The following ZSCAN5A variants were observed in gnomAD, a reference collection of about 807,000 sequenced individuals.
ZSCAN5A encodes the protein zinc finger and SCAN domain containing 5A.
ZSCAN5A carries 12 observed loss-of-function variants against 23.7 expected under a neutral mutation model. That is an observed-to-expected ratio of 0.51 (90% CI 0.32 to 0.82). The LOEUF (loss-of-function observed/expected upper bound fraction) is 0.82, where lower values mean the gene tolerates loss of function less well. ZSCAN5A is among the 40% of genes least tolerant of loss of function. The pLI, the probability that ZSCAN5A is intolerant of heterozygous loss-of-function variation, is 0.03. For missense variants in ZSCAN5A, 597 were observed against 617.9 expected (o/e 0.97, Z 0.36); for synonymous variants, 257 against 239.9 (o/e 1.07, Z -0.66).
chr19:56,322,639 A>G (rs1262966425), intron 2 of ZSCAN5A, among the ~76,000 whole-genome samples: 1 of 152,126 alleles, frequency 6.6e-6, no homozygotes, highest in Admixed American at 6.5e-5. Context: ...ATATCTATCT[A>G]TAGATACAGA....
intron 2 of ZSCAN5A, chr19:56,266,454 T>C (rs1352927679): frequency 6.7e-6 from 1 of 150,100 alleles, no homozygotes; most frequent in African/African-American, 2.5e-5. Flanking sequence ...AAGAAGTGAG[T>C]AGGCTTAGGC....
chr19:56,352,221 C>A lies in ZSCAN5A; in HGVS notation c.-358+11014G>T, dbSNP rs2041671934. ...GATTCACGCCATTCTCCTGCCTCAGCCTCCCAAGTAGCTGGGACTACAGGC... is the reference window on the plus strand; with the variant it reads ...GATTCACGCCATTCTCCTGCCTCAGACTCCCAAGTAGCTGGGACTACAGGC... On this transcript the variant is annotated intron_variant, in intron 2 of 6. Coordinates refer to the ZSCAN5A transcript ENST00000587340. The surrounding 1 kb of genome is among the most constrained non-coding windows in gnomAD (Gnocchi z 4.2). Among the ~76,000 whole-genome samples, 1 of 152,166 alleles carries A rather than the reference C, an allele frequency of 6.6e-6. No homozygotes were observed. The highest frequency in any genetic ancestry group is 1.5e-5 in the Non-Finnish European group (1 of 68,026).
chr19:56,294,290 A>C (rs2039715742), intron 2 of ZSCAN5A, among the ~76,000 whole-genome samples: 1 of 152,164 alleles, frequency 6.6e-6, no homozygotes, highest in South Asian at 2.1e-4. Flanking sequence ...CCTCACATTA[A>C]CCCAGGATGC....
At chr19:56,225,222 C>T (rs888472871) in intron 2 of ZSCAN5A, 49 bp from the exon 3 acceptor site, 84 of 1,402,550 alleles carry the variant, frequency 6.0e-5, no homozygotes, top group Non-Finnish European at 7.1e-5. Flanking sequence ...CTACTCCATC[C>T]ATCCCTCCCT....
intron 1 of ZSCAN5A, among the ~76,000 whole-genome samples, chr19:56,364,156 G>A (rs1451943082): frequency 1.3e-5 from 2 of 152,080 alleles, no homozygotes; most frequent in East Asian, 1.9e-4. Context: ...AGAGCTTCTG[G>A]GCAGGAAAAA....
rs1003475514 is a variant in ZSCAN5A at position 56,245,188 on chromosome 19, A to C, written c.-127-20015T>G. On this transcript the variant is annotated intron_variant, in intron 2 of 5. Coordinates refer to ENST00000683990, the MANE Select transcript of ZSCAN5A (RefSeq NM_001322064.3). Reference sequence around the variant, plus strand: ...ATATGAGAGCTACTTTCAGGTTCTCATAGTGAGTCTGATTGTCTTTTTTCT... The same window carrying C: ...ATATGAGAGCTACTTTCAGGTTCTCCTAGTGAGTCTGATTGTCTTTTTTCT... The C allele has an allele frequency of 5.7e-6, 3 of 529,912 alleles. No individual in the cohort carries two copies. In the African/African-American group the frequency reaches 5.8e-5, roughly 10 times the overall value. 32.8% of individuals were successfully genotyped at this position (529,912 alleles called of 1,614,324 possible). A position where few individuals can be genotyped will look rare whatever the true frequency, so the allele number is the denominator to read the frequency against.
At chr19:56,282,588 C>T in intron 2 of ZSCAN5A, 3 of 800,836 alleles carry the variant, frequency 3.7e-6, no homozygotes, top group Non-Finnish European at 3.0e-6. Context: ...ACTTACGTTT[C>T]TTCTCTGGTC....
At chr19:56,361,023 A>T (rs2041730673) in intron 2 of ZSCAN5A, among the ~76,000 whole-genome samples, 1 of 152,252 alleles carries the variant, frequency 6.6e-6, no homozygotes, top group Non-Finnish European at 1.5e-5. Flanking sequence ...AAATGGGCAA[A>T]GGACATGAAC....
intron 2 of ZSCAN5A, among the ~76,000 whole-genome samples, chr19:56,284,404 G>T (rs1241465228): frequency 2.6e-5 from 4 of 152,038 alleles, no homozygotes; most frequent in African/African-American, 9.7e-5. Context: ...TTGGGTGATG[G>T]GAGCCCAGAA....
intron 2 of ZSCAN5A, chr19:56,302,939 CCA>C: frequency 2.5e-6 from 1 of 398,476 alleles, no homozygotes; most frequent in Admixed American, 4.4e-5. Flanking sequence ...AGGCAGACAT[CCA>C]CAGAGAGAAC....
At chr19:56,314,400 GAA>G (rs1377352545) in intron 1 of ZSCAN5A, 1 of 152,220 alleles carries the variant, frequency 6.6e-6, no homozygotes, top group Non-Finnish European at 1.5e-5. Context: ...CAATTCTTGC[GAA>G]AAGTCTCTGC....
At chr19:56,302,508 TC>T (rs2040331753) in intron 2 of ZSCAN5A, among the ~76,000 whole-genome samples, 3 of 37,760 alleles carry the variant, frequency 7.9e-5, no homozygotes, top group African/African-American at 4.1e-4. Context: ...TCTCTGCCCT[TC>T]TTTCCTTCCT....
chr19:56,343,323 C>G, intron 2 of ZSCAN5A: 1 of 640,182 alleles, frequency 1.6e-6, no homozygotes, highest in Non-Finnish European at 2.9e-6. Context: ...GAGTGGTGTG[C>G]AAAGTGAATA....
chr19:56,243,384 C>T (rs1426381773), intron 2 of ZSCAN5A, among the ~76,000 whole-genome samples: 6 of 151,238 alleles, frequency 4.0e-5, no homozygotes, highest in East Asian at 1.9e-4. Context: ...TATGAATGTG[C>T]ATTTTACCAA....
At chr19:56,328,819 C>T (rs1358409995) in intron 2 of ZSCAN5A, among the ~76,000 whole-genome samples, 1 of 147,332 alleles carries the variant, frequency 6.8e-6, no homozygotes, top group Non-Finnish European at 1.5e-5. Flanking sequence ...GAAACCCCAT[C>T]TCTACTAAAA....
At chr19:56,338,033 AC>A in intron 2 of ZSCAN5A, among the ~76,000 whole-genome samples, 1 of 152,330 alleles carries the variant, frequency 6.6e-6, no homozygotes, top group African/African-American at 2.4e-5. Flanking sequence ...GGAGAGTATA[AC>A]AAGATAAATC....
Position 56,343,013 on chromosome 19 carries a change from T to C in ZSCAN5A, c.-358+20222A>G, listed in dbSNP as rs372780991. The C allele has an allele frequency of 6.5e-5, 54 of 829,070 alleles. No homozygotes were observed. In the African/African-American group the frequency reaches 8.2e-4, roughly 13 times the overall value. 51.4% of individuals were successfully genotyped at this position (829,070 alleles called of 1,614,324 possible). ...AATCGTCTTTTCAGAAGTCACTATC[T>C]ACTTATCCAAGTCTTCTTTCCCCCA... On this transcript the variant is annotated intron_variant, in intron 2 of 6. Transcript: ENST00000587340.
intron 2 of ZSCAN5A, among the ~76,000 whole-genome samples, chr19:56,331,994 T>A (rs895751104): frequency 6.6e-6 from 1 of 152,172 alleles, no homozygotes; most frequent in African/African-American, 2.4e-5. Flanking sequence ...TTTTGAGAGA[T>A]CTTGGTATTG....
chr19:56,273,860 A>AGT (rs1191370586), intron 2 of ZSCAN5A, among the ~76,000 whole-genome samples: 1 of 151,958 alleles, frequency 6.6e-6, no homozygotes, highest in Non-Finnish European at 1.5e-5. Context: ...CATATTTAGG[A>AGT]GCGTGTGTGT....
Sources: gnomAD v4.1 joint callset for allele counts (sites outside exome capture counted in the v4.1 genomes callset) on GRCh38, gnomAD v4.1.1 for gene constraint, Gnocchi (gnomAD v3.1) non-coding constraint, MANE v1.5 for transcripts, NCBI Gene and HGNC (gene_info 2026-07-23, HGNC 2026-07-21) for gene names.